ZNF585A: variants seen among roughly 807,000 people sequenced by gnomAD.
The protein encoded by ZNF585A is zinc finger protein 585A.
Under a neutral mutation model 14.9 loss-of-function variants are expected in ZNF585A, and 9 were observed. The observed-to-expected ratio is 0.60, with a 90% confidence interval of 0.36 to 1.05. The LOEUF (loss-of-function observed/expected upper bound fraction) is 1.05. Among genes scored for constraint, ZNF585A ranks in the 50% least tolerant of loss-of-function variants. The probability of loss-of-function intolerance (pLI) is 0.01; values close to 1 mark genes in which losing one functional copy is unlikely to be tolerated. For missense variants in ZNF585A, 726 were observed against 926.4 expected, an observed-to-expected ratio of 0.78 and a Z score of 2.81; for synonymous variants, 276 against 319.9, an observed-to-expected ratio of 0.86 and a Z score of 1.46.
rs1971732488 is a variant in ZNF585A, at chr19:37,145,560, T to C, written c.*6029A>G. On this transcript the variant is annotated 3_prime_UTR_variant, in exon 5 of 5. Transcript: ENST00000292841. The stretch of plus-strand genomic sequence containing the variant: ...ATGGGTTTTCAGGATTGGCATTTAT[T>C]ATAGGCACAAACTTAATATAACTCA... The C allele has an allele frequency of 1.3e-5, 2 of 152,232 alleles. No homozygotes were observed. The highest frequency in any genetic ancestry group is 2.9e-5 in the Non-Finnish European group (2 of 68,034). The allele number at this position is 152,232 out of a possible 1,614,324, so 9.4% of individuals were successfully genotyped here.
chr19:37,163,905 A>G (rs112440167), intron 2 of ZNF585A, among the ~76,000 whole-genome samples: 2 of 152,158 alleles, frequency 1.3e-5, no homozygotes, highest in Admixed American at 1.3e-4. Context: ...CACACACACA[A>G]AAAAGCACAA....
intron 2 of ZNF585A, among the ~76,000 whole-genome samples, chr19:37,167,708 G>A (rs1041547653): frequency 5.9e-5 from 9 of 151,600 alleles, no homozygotes; most frequent in Non-Finnish European, 1.0e-4. Context: ...TACAACCTCC[G>A]CCTTCCAGGT....
At chr19:37,159,171 C>T (rs1036014706) in intron 2 of ZNF585A, among the ~76,000 whole-genome samples, 1 of 149,732 alleles carries the variant, frequency 6.7e-6, no homozygotes. Flanking sequence ...ATCACTTGAA[C>T]CCAGGAGGTG....
intron 2 of ZNF585A, among the ~76,000 whole-genome samples, chr19:37,167,713 C>T (rs2145416436): frequency 6.6e-6 from 1 of 152,170 alleles, no homozygotes; most frequent in South Asian, 2.1e-4. Flanking sequence ...CCTCCGCCTT[C>T]CAGGTTCAAG....
rs2097394932 is a variant in ZNF585A, at chr19:37,147,465, AG to A, written c.*4123del. ...CAGACTCTCTGGCCTCTTTTATTGT[AG>A]TTATATCTTTACACTACAAACATTA... On this transcript the variant is annotated 3_prime_UTR_variant, in exon 5 of 5. Coordinates refer to ENST00000292841, the MANE Select transcript of ZNF585A (RefSeq NM_001288800.2). 1 of 152,224 alleles carries A rather than the reference AG, an allele frequency of 6.6e-6. No individual in the cohort carries two copies. The highest frequency in any genetic ancestry group is 2.4e-5 in the African/African-American group (1 of 41,462). 9.4% of individuals were successfully genotyped at this position (152,224 alleles called of 1,614,324 possible).
Position 37,152,717 on chromosome 19 carries a change from C to T in ZNF585A, c.1182G>A (p.Lys394=), listed in dbSNP as rs1219657950. 6.2e-7 allele frequency: 1 copy of T among 1,613,958 alleles called. No homozygotes were observed. The highest frequency in any genetic ancestry group is 8.5e-7 in the Non-Finnish European group (1 of 1,180,018). ...TTCTCTGATGCACTGTGAGTGCTGACTTCTGAGTGAAGGCTTTCCCACAGT... is the reference window on the plus strand; with the variant it reads ...TTCTCTGATGCACTGTGAGTGCTGATTTCTGAGTGAAGGCTTTCCCACAGT... ...CSDCGKAFTQ[K]SALTVHQRIH... is the part of the protein sequence containing the mutation. The change falls in exon 5 of 5, where the codon AAG becomes AAA. Residue 394 remains lysine (K), a synonymous_variant. Coordinates refer to ENST00000292841, the MANE Select transcript of ZNF585A (RefSeq NM_001288800.2).
chr19:37,153,698 T>G, intron 4 of ZNF585A, 92 bp from the exon 5 acceptor site: 1 of 1,137,974 alleles, frequency 8.8e-7, no homozygotes, highest in Non-Finnish European at 1.2e-6. Flanking sequence ...TTATTATGAC[T>G]GTATAAATCT....
chr19:37,159,408 C>T (rs1226531457), intron 2 of ZNF585A, among the ~76,000 whole-genome samples: 1 of 151,938 alleles, frequency 6.6e-6, no homozygotes. Flanking sequence ...CATGATCCTC[C>T]AAATTAAAAA....
Position 37,153,034 on chromosome 19 carries a change from G to C in ZNF585A, c.865C>G (p.Arg289Gly). The C allele has an allele frequency of 6.2e-7, 1 of 1,614,102 alleles. No homozygotes were observed. The change falls in exon 5 of 5, where the codon CGA (arginine) becomes GGA (glycine). Residue 289 changes from arginine to glycine, a missense_variant. This residue lies in a region of ZNF585A where 483 missense variants were observed against 542.8 expected (regional missense o/e 0.89). Coordinates refer to ENST00000292841, the MANE Select transcript of ZNF585A (RefSeq NM_001288800.2). ...GGTTTTTCTCCAGTATGAATTCTTCGGTGTGCAATCAAATGGGTCTTCTGG... is the reference window on the plus strand; with the variant it reads ...GGTTTTTCTCCAGTATGAATTCTTCCGTGTGCAATCAAATGGGTCTTCTGG... ...FIQKTHLIAH[R>G]RIHTGEKPYE...
rs1412281604 is a variant in ZNF585A at position 37,150,145 on chromosome 19, A to C, written c.*1444T>G. ...AAGGGGACAGAAGAGGCTCCAAAAT[A>C]CAGTTGGGAAATGTGGACATTATGG... On this transcript the variant is annotated 3_prime_UTR_variant, in exon 5 of 5. Coordinates refer to ENST00000292841, the MANE Select transcript of ZNF585A (RefSeq NM_001288800.2). The C allele has an allele frequency of 6.6e-6, 1 of 151,668 alleles. No homozygotes were observed. The highest frequency in any genetic ancestry group is 1.5e-5 in the Non-Finnish European group (1 of 67,952). The allele number at this position is 151,668 out of a possible 1,614,324, so 9.4% of individuals were successfully genotyped here.
chr19:37,169,332 T>C (rs1181821868), intron 2 of ZNF585A, among the ~76,000 whole-genome samples: 6 of 149,446 alleles, frequency 4.0e-5, no homozygotes, highest in Non-Finnish European at 8.9e-5. Context: ...AAAGAAGGGC[T>C]GGAAGGCAAA....
At position 37,151,970 on chromosome 19, in the gene ZNF585A, A is replaced by G; in HGVS notation, c.1929T>C (p.Phe643=). 7 of 1,614,018 alleles carry G rather than the reference A, an allele frequency of 4.3e-6. No individual in the cohort carries two copies. Among genetic ancestry groups the G allele is most frequent in the Non-Finnish European group, 5.9e-6 (7 of 1,180,010 alleles). The change falls in exon 5 of 5, where the codon TTT becomes TTC. Residue 643 remains phenylalanine, a synonymous_variant. Transcript: ENST00000292841. ...PYVCAECGKA[F]SGRSNLSKHQ... ...GCTTACTGAGATTTGACCTGCCACT[A>G]AAGGCCTTCCCGCACTCGGCACACA...
intron 2 of ZNF585A, among the ~76,000 whole-genome samples, chr19:37,169,128 T>C (rs1972141688): frequency 6.6e-6 from 1 of 152,146 alleles, no homozygotes; most frequent in African/African-American, 2.4e-5. Flanking sequence ...TTGAACGAAG[T>C]GTATATATTC....
chr19:37,160,740 A>G (rs940367446), intron 2 of ZNF585A, among the ~76,000 whole-genome samples: 7 of 152,108 alleles, frequency 4.6e-5, no homozygotes, highest in Non-Finnish European at 8.8e-5. Context: ...CAAAACTCAA[A>G]CCTTTGAAAA....
Position 37,146,497 on chromosome 19 carries a change from A to C in ZNF585A, c.*5092T>G, listed in dbSNP as rs1351729185. On this transcript the variant is annotated 3_prime_UTR_variant, in exon 5 of 5. Coordinates refer to ENST00000292841, the MANE Select transcript of ZNF585A (RefSeq NM_001288800.2). ...AAGTGTCCATGACAACCTTGGCTTTAAGCTGACTTTGGCCACGGGGTCAAT... is the reference window on the plus strand; with the variant it reads ...AAGTGTCCATGACAACCTTGGCTTTCAGCTGACTTTGGCCACGGGGTCAAT... The C allele has an allele frequency of 1.3e-5, 2 of 152,244 alleles. No individual in the cohort carries two copies. The highest frequency in any genetic ancestry group is 1.3e-4 in the Admixed American group (2 of 15,278). 9.4% of individuals were successfully genotyped at this position (152,244 alleles called of 1,614,324 possible).
At chr19:37,165,552 T>G in intron 2 of ZNF585A, 4 of 774,650 alleles carry the variant, frequency 5.2e-6, no homozygotes, top group Non-Finnish European at 6.3e-6. Flanking sequence ...AGTGGGTTGC[T>G]GAGAACATAG....
chr19:37,166,864 C>T (rs866556125), intron 2 of ZNF585A, among the ~76,000 whole-genome samples: 1 of 151,998 alleles, frequency 6.6e-6, no homozygotes, highest in African/African-American at 2.4e-5. Flanking sequence ...GACAGGGTCT[C>T]ACTGTGTCAC....
At position 37,152,516 on chromosome 19, in the gene ZNF585A, T is replaced by C. The variant is rs1568493092; in HGVS notation, c.1383A>G (p.Thr461=). Residue 461 remains threonine, a synonymous_variant, in exon 5 of 5, where the codon ACA becomes ACG. Transcript: ENST00000292841. ...TATTGCACATATAGGGCTTTTCTCC[T>C]GTGTGAATTCGTTTATGAACATGGA... The part of the protein sequence containing the change: ...SQLHVHKRIH[T]GEKPYMCNKC... 1 of 1,614,100 alleles carries C rather than the reference T, an allele frequency of 6.2e-7. No individual in the cohort carries two copies. The highest frequency in any genetic ancestry group is 1.3e-5 in the African/African-American group (1 of 74,936).
In ZNF585A at chr19:37,150,895, C is replaced by G. The variant is rs1328557624; in HGVS notation, c.*694G>C. ...AGACACGGTGCTGGGGGTCAAAACA[C>G]AAAGTGCTGAGGGCCCGTGAGGCTG... On this transcript the variant is annotated 3_prime_UTR_variant, in exon 5 of 5. Transcript: ENST00000292841. The G allele has an allele frequency of 6.4e-6, 1 of 155,288 alleles. No individual in the cohort carries two copies. The highest frequency in any genetic ancestry group is 6.5e-5 in the Admixed American group (1 of 15,282). The allele number at this position is 155,288 out of a possible 1,614,324, so 9.6% of individuals were successfully genotyped here. A position where few individuals can be genotyped will look rare whatever the true frequency, so the allele number is the denominator to read the frequency against.
Sources: gnomAD v4.1 joint callset for allele counts (sites outside exome capture counted in the v4.1 genomes callset) on GRCh38, gnomAD v4.1.1 for gene constraint, gnomAD v4.1.1 regional missense constraint, MANE v1.5 for transcripts, NCBI Gene and HGNC (gene_info 2026-07-23, HGNC 2026-07-21) for gene names.